AFF3: variants seen among roughly 807,000 people sequenced by gnomAD.
AFF3 encodes ALF transcription elongation factor 3.
AFF3 carries 32 observed loss-of-function variants against 129.7 expected under a neutral mutation model. That is an observed-to-expected ratio of 0.25 (90% confidence interval 0.19 to 0.33). The LOEUF (loss-of-function observed/expected upper bound fraction) is 0.33, where lower values mean the gene tolerates loss of function less well. Ranked by LOEUF, AFF3 falls within the 10% of genes least tolerant of loss-of-function variation. The probability of loss-of-function intolerance (pLI) is 1.00; values close to 1 mark genes in which losing one functional copy is unlikely to be tolerated. For missense variants in AFF3, 1,373 were observed against 1,592.0 expected, an observed-to-expected ratio of 0.86 and a Z score of 2.34; for synonymous variants, 644 against 635.4, an observed-to-expected ratio of 1.01 and a Z score of -0.20.
intron 7 of AFF3, among the ~76,000 whole-genome samples, chr2:99,978,323 G>A (rs374917626): frequency 7.2e-5 from 11 of 152,010 alleles, no homozygotes; most frequent in African/African-American, 2.7e-4. Flanking sequence ...GATACCAAAA[G>A]ATGCTAATAA....
chr2:99,854,306 G>A (rs537639250), intron 7 of AFF3, among the ~76,000 whole-genome samples: 4 of 150,668 alleles, frequency 2.7e-5, no homozygotes, highest in Admixed American at 6.6e-5. Context: ...CTCATGCAAT[G>A]GTCTCAGTGC....
At chr2:99,882,072 T>C (rs573014243) in intron 7 of AFF3, among the ~76,000 whole-genome samples, 1 of 150,776 alleles carries the variant, frequency 6.6e-6, no homozygotes, top group Non-Finnish European at 1.5e-5. Context: ...TCTCTCTCTC[T>C]CTGTCTCTCT....
chr2:100,112,764 A>G (rs1411784549), intron 2 of AFF3, among the ~76,000 whole-genome samples: 1 of 152,156 alleles, frequency 6.6e-6, no homozygotes, highest in African/African-American at 2.4e-5. Flanking sequence ...AGAGGAGGAA[A>G]GTGAGTGAAG....
intron 7 of AFF3, among the ~76,000 whole-genome samples, chr2:99,895,435 G>A (rs981022004): frequency 3.3e-5 from 5 of 152,162 alleles, no homozygotes; most frequent in Admixed American, 6.5e-5. Context: ...ATTTAGATAC[G>A]CTGAAGTGCA....
intron 7 of AFF3, among the ~76,000 whole-genome samples, chr2:99,930,278 C>T (rs955273936): frequency 2.0e-5 from 3 of 152,108 alleles, no homozygotes; most frequent in Admixed American, 2.0e-4. Flanking sequence ...TCCAGGGCTC[C>T]AAGAAATGTG....
chr2:100,068,029 C>T (rs897095940), intron 4 of AFF3, among the ~76,000 whole-genome samples: 16 of 152,146 alleles, frequency 1.1e-4, no homozygotes, highest in Non-Finnish European at 1.9e-4. Flanking sequence ...GCTTTTAATA[C>T]AGTGGAGGAA....
At chr2:99,864,655 C>T (rs915892190) in intron 7 of AFF3, among the ~76,000 whole-genome samples, 6 of 152,088 alleles carry the variant, frequency 3.9e-5, no homozygotes, top group South Asian at 2.1e-4. Flanking sequence ...GACTGGTACC[C>T]GACAAACCAA....
chr2:99,712,762 G>A (rs1164721664), intron 11 of AFF3, among the ~76,000 whole-genome samples: 2 of 152,136 alleles, frequency 1.3e-5, no homozygotes, highest in Admixed American at 6.5e-5. Flanking sequence ...TTAAGAACAG[G>A]GGCTCAAAGA....
intron 15 of AFF3, among the ~76,000 whole-genome samples, chr2:99,589,535 G>A (rs1030484587): frequency 1.3e-5 from 2 of 151,344 alleles, no homozygotes; most frequent in African/African-American, 4.9e-5. Context: ...CTGAGTAGCT[G>A]GGATTACAGG....
At chr2:99,747,786 G>T (rs1276297039) in intron 9 of AFF3, among the ~76,000 whole-genome samples, 3 of 152,100 alleles carry the variant, frequency 2.0e-5, no homozygotes, top group Non-Finnish European at 2.9e-5. Flanking sequence ...CAAAGACTTT[G>T]TCCCTAATAT....
intron 4 of AFF3, among the ~76,000 whole-genome samples, chr2:100,032,385 C>T (rs747188173): frequency 8.4e-4 from 128 of 151,648 alleles, no homozygotes; most frequent in Non-Finnish European, 1.6e-3. Flanking sequence ...GCCGAGACTG[C>T]GCCACTGCAC....
intron 7 of AFF3, among the ~76,000 whole-genome samples, chr2:99,889,908 C>A (rs1030885698): frequency 2.0e-5 from 3 of 152,322 alleles, no homozygotes; most frequent in Non-Finnish European, 4.4e-5. Flanking sequence ...GATCCACCTG[C>A]CTCAGCCTCC....
intron 8 of AFF3, among the ~76,000 whole-genome samples, chr2:99,801,464 C>G (rs1685938689): frequency 6.6e-6 from 1 of 152,140 alleles, no homozygotes; most frequent in African/African-American, 2.4e-5. Context: ...CAAAGTGAAG[C>G]CAATAGCACT....
chr2:99,974,882 T>C (rs1678724556), intron 7 of AFF3, among the ~76,000 whole-genome samples: 1 of 152,066 alleles, frequency 6.6e-6, no homozygotes, highest in Non-Finnish European at 1.5e-5. Flanking sequence ...TCTACCAGAG[T>C]GAATGATGGT....
chr2:99,905,169 C>T (rs1694621591), intron 7 of AFF3, among the ~76,000 whole-genome samples: 1 of 152,182 alleles, frequency 6.6e-6, no homozygotes, highest in Non-Finnish European at 1.5e-5. Flanking sequence ...CTGCTCACAA[C>T]TTTGTGGGAA....
chr2:99,657,062 T>C (rs557503591), intron 12 of AFF3, among the ~76,000 whole-genome samples: 2 of 152,304 alleles, frequency 1.3e-5, no homozygotes, highest in African/African-American at 4.8e-5. Flanking sequence ...AGGACTGCTC[T>C]GTGCAAATAT....
chr2:100,107,324 T>C (rs1157768024), intron 2 of AFF3: 9 of 985,328 alleles, frequency 9.1e-6, no homozygotes, highest in African/African-American at 1.7e-5. Flanking sequence ...GTTCCTATTA[T>C]CCTCCAGCCT....
chr2:99,756,148 C>T (rs1405467405), intron 8 of AFF3, among the ~76,000 whole-genome samples: 3 of 152,350 alleles, frequency 2.0e-5, no homozygotes, highest in East Asian at 3.9e-4. Flanking sequence ...TCTGTCCACT[C>T]CACCCCTTTA....
At chr2:99,802,267 A>C (rs560624524) in intron 8 of AFF3, among the ~76,000 whole-genome samples, 1 of 152,208 alleles carries the variant, frequency 6.6e-6, no homozygotes, top group South Asian at 2.1e-4. Flanking sequence ...AATATTAGAA[A>C]CCTTCAAGGG....
Sources: allele counts gnomAD v4.1 joint callset (sites outside exome capture counted in the v4.1 genomes callset), GRCh38; gene constraint gnomAD v4.1.1; transcripts MANE v1.5; gene names NCBI Gene and HGNC (gene_info 2026-07-23, HGNC 2026-07-21).